The following FOXP1 variants were observed in gnomAD, a reference collection of about 807,000 sequenced individuals.
The protein encoded by FOXP1 is forkhead box P1.
In FOXP1, 15 loss-of-function variants were observed where a neutral mutation model predicts 98.2. The ratio of observed to expected loss-of-function variants is 0.15; its 90% CI spans 0.10 to 0.24. The LOEUF (loss-of-function observed/expected upper bound fraction) is 0.24. Among genes scored for constraint, FOXP1 ranks in the 10% least tolerant of loss-of-function variants. The probability of loss-of-function intolerance (pLI) is 1.00; values close to 1 mark genes in which losing one functional copy is unlikely to be tolerated. For synonymous variants in FOXP1, 371 were observed against 314.5 expected, an observed-to-expected ratio of 1.18 and a Z score of -1.90; for missense variants, 633 against 848.5, an observed-to-expected ratio of 0.75 and a Z score of 3.15.
In FOXP1 at chr3:71,184,967, C is replaced by T. The variant is rs184153394; in HGVS notation, c.180+13235G>A. On this transcript the variant is annotated intron_variant, in intron 6 of 20. Transcript: ENST00000649528. ...TAGCACTTTGGGAGGCCAAGGCAGG[C>T]GGATCACCTGAGGTCAGGAGTTCCA... 3.9e-4 allele frequency among the ~76,000 whole-genome samples: 59 copies of T among 152,092 alleles called. 1 individual carries two copies. Among genetic ancestry groups the T allele is most frequent in the Admixed American group, 2.0e-3 (31 of 15,274 alleles).
intron 5 of FOXP1, among the ~76,000 whole-genome samples, chr3:71,251,609 G>A (rs568240788): frequency 2.6e-5 from 4 of 152,292 alleles, no homozygotes; most frequent in African/African-American, 7.2e-5. Context: ...GAACTATGGC[G>A]CTGAGCAGGA....
At chr3:71,266,009 A>C (rs1411164422) in intron 5 of FOXP1, among the ~76,000 whole-genome samples, 1 of 152,128 alleles carries the variant, frequency 6.6e-6, no homozygotes, top group African/African-American at 2.4e-5. Context: ...CAGTGCGGGA[A>C]TGGTGCCTGG....
At chr3:71,178,325 G>A (rs1011785289) in intron 6 of FOXP1, among the ~76,000 whole-genome samples, 29 of 152,002 alleles carry the variant, frequency 1.9e-4, no homozygotes, top group African/African-American at 6.0e-4. Flanking sequence ...TAGTAGAGGC[G>A]GGGTTTCACC....
chr3:71,072,272 T>C (rs1225103856), intron 7 of FOXP1, among the ~76,000 whole-genome samples: 2 of 152,152 alleles, frequency 1.3e-5, no homozygotes, highest in Non-Finnish European at 2.9e-5. Context: ...TGAGCCCTGA[T>C]CACGTCATTG....
chr3:71,402,845 C>T (rs540634009), intron 3 of FOXP1, among the ~76,000 whole-genome samples: 1 of 152,312 alleles, frequency 6.6e-6, no homozygotes, highest in South Asian at 2.1e-4. Context: ...GGACAAGCTG[C>T]TAAGAGGGGT....
intron 5 of FOXP1, among the ~76,000 whole-genome samples, chr3:71,271,966 T>C (rs1055487593): frequency 6.6e-6 from 1 of 152,200 alleles, no homozygotes; most frequent in East Asian, 1.9e-4. Context: ...GATGAATACA[T>C]ATAAGGCATT....
intron 7 of FOXP1, among the ~76,000 whole-genome samples, chr3:71,094,121 T>G (rs1056836813): frequency 2.0e-5 from 3 of 152,176 alleles, no homozygotes; most frequent in African/African-American, 7.2e-5. Flanking sequence ...AATAAATATT[T>G]TAGGCACTGC....
chr3:71,055,675 C>T (rs546281538), intron 7 of FOXP1, among the ~76,000 whole-genome samples: 5 of 152,156 alleles, frequency 3.3e-5, no homozygotes, highest in Non-Finnish European at 7.3e-5. Context: ...AGAAACTTTT[C>T]GGATTTTTAA....
rs1219213209 is a variant in FOXP1, at chr3:71,041,603, CAA to C, written c.665-73_665-72del. 7 of 1,455,638 alleles carry C rather than the reference CAA, an allele frequency of 4.8e-6. No individual in the cohort carries two copies. The Admixed American group carries it at 8.7e-5, about 18-fold the overall frequency. 90.2% of individuals were successfully genotyped at this position (1,455,638 alleles called of 1,614,324 possible). On this transcript the variant is annotated intron_variant, in intron 10 of 20. Transcript: ENST00000649528. ...CGTCCTCTTCAAACAGCAATTAAAT[CAA>C]AGAGTCAGTAAACAAAGCCTAGTGT...
chr3:71,226,324 A>G (rs2065831319), intron 5 of FOXP1, among the ~76,000 whole-genome samples: 2 of 152,198 alleles, frequency 1.3e-5, no homozygotes, highest in African/African-American at 2.4e-5. Flanking sequence ...GGGATTCTTC[A>G]AAGTACAGAT....
chr3:71,548,227 C>G (rs2045512767), intron 2 of FOXP1, among the ~76,000 whole-genome samples: 1 of 152,018 alleles, frequency 6.6e-6, no homozygotes, highest in Non-Finnish European at 1.5e-5. Context: ...AAAAGTTGGC[C>G]CTATGAATGG....
intron 2 of FOXP1, 55 bp downstream of exon 2, chr3:71,581,494 C>A: frequency 1.0e-6 from 1 of 985,470 alleles, no homozygotes; most frequent in Non-Finnish European, 1.2e-6. Flanking sequence ...CCCCTAGTGC[C>A]GCCTGGGGCT....
chr3:70,982,937 C>T (rs1336514342), intron 14 of FOXP1, among the ~76,000 whole-genome samples: 3 of 152,200 alleles, frequency 2.0e-5, no homozygotes, highest in South Asian at 2.1e-4. Flanking sequence ...GACACAACTG[C>T]GTAGTAGGGA....
At chr3:71,102,782 C>T (rs999064349) in intron 7 of FOXP1, among the ~76,000 whole-genome samples, 18 of 152,084 alleles carry the variant, frequency 1.2e-4, no homozygotes, top group African/African-American at 4.1e-4. Context: ...TTTGCGGGGC[C>T]CAGGTGGTAG....
chr3:71,489,931 C>T (rs1462867330), intron 3 of FOXP1, among the ~76,000 whole-genome samples: 1 of 152,202 alleles, frequency 6.6e-6, no homozygotes, highest in African/African-American at 2.4e-5. Context: ...AACTCTGACC[C>T]TGGTCTACCA....
chr3:71,548,651 G>A (rs2107655997), intron 2 of FOXP1, among the ~76,000 whole-genome samples: 1 of 152,232 alleles, frequency 6.6e-6, no homozygotes, highest in South Asian at 2.1e-4. Context: ...CTCCTGCCTT[G>A]GCCTTCCAAG....
intron 4 of FOXP1, among the ~76,000 whole-genome samples, chr3:71,356,339 C>T (rs886999714): frequency 1.4e-4 from 22 of 152,004 alleles, no homozygotes; most frequent in African/African-American, 4.4e-4. Flanking sequence ...CATAGCTGCA[C>T]GTGTCCTTGC....
At chr3:71,274,900 T>TA (rs1479879554) in intron 5 of FOXP1, among the ~76,000 whole-genome samples, 1 of 152,210 alleles carries the variant, frequency 6.6e-6, no homozygotes, top group Non-Finnish European at 1.5e-5. Context: ...CCCCTTTAGG[T>TA]AGTAACACTT....
At chr3:71,227,946 T>C (rs1000924526) in intron 5 of FOXP1, among the ~76,000 whole-genome samples, 1 of 125,606 alleles carries the variant, frequency 8.0e-6, no homozygotes, top group Non-Finnish European at 1.6e-5. Flanking sequence ...TGTGTATGAC[T>C]ATGCAGCTCC....
Sources: allele counts gnomAD v4.1 joint callset (sites outside exome capture counted in the v4.1 genomes callset), GRCh38; gene constraint gnomAD v4.1.1; transcripts MANE v1.5; gene names NCBI Gene and HGNC (gene_info 2026-07-23, HGNC 2026-07-21).